The following XPO6 variants were observed in gnomAD, a reference collection of about 807,000 sequenced individuals.
XPO6 encodes exportin 6.
XPO6 carries 3 observed loss-of-function variants against 130.0 expected under a neutral mutation model. The observed-to-expected ratio is 0.02, with a 90% CI of 0.01 to 0.06. XPO6 has a LOEUF of 0.06. Among genes scored for constraint, XPO6 ranks in the 10% least tolerant of loss-of-function variants. XPO6 has a pLI of 1.00. For missense variants in XPO6, 970 were observed against 1,393.0 expected, an observed-to-expected ratio of 0.70 and a Z score of 4.83; for synonymous variants, 524 against 548.9, an observed-to-expected ratio of 0.95 and a Z score of 0.63.
chr16:28,154,894 G>A (rs1196139518), intron 7 of XPO6, among the ~76,000 whole-genome samples: 1 of 151,822 alleles, frequency 6.6e-6, no homozygotes, highest in Non-Finnish European at 1.5e-5. Context: ...CTTAACCACA[G>A]ACAGAAAGAA....
At chr16:28,153,252 G>C (rs2043125773) in intron 7 of XPO6, 2 of 989,282 alleles carry the variant, frequency 2.0e-6, no homozygotes, top group South Asian at 9.2e-5. Context: ...ACTCAGGCTT[G>C]CAACTTAATG....
Position 28,106,866 on chromosome 16 carries a change from CT to C in XPO6, c.2498-370del, listed in dbSNP as rs1217404090. Among the ~76,000 whole-genome samples, 2 of 152,212 alleles carry C rather than the reference CT, an allele frequency of 1.3e-5. No individual in the cohort carries two copies. Among genetic ancestry groups the C allele is most frequent in the African/African-American group, 4.8e-5 (2 of 41,450 alleles). On this transcript the variant is annotated intron_variant, in intron 18 of 23. Coordinates refer to ENST00000304658, the MANE Select transcript of XPO6 (RefSeq NM_015171.4). The surrounding 1 kb of genome is among the most constrained non-coding windows in gnomAD (Gnocchi z 4.2). ...ACCTGAGTGCTTAAGCCATTTCCCC[CT>C]ATGACTAATAATCCCTGCAGCTGGG...
chr16:28,211,422 T>C lies in XPO6; in HGVS notation c.-54A>G. 1 of 1,310,588 alleles carries C rather than the reference T, an allele frequency of 7.6e-7. No homozygotes were observed. The highest frequency in any genetic ancestry group is 1.5e-5 in the African/African-American group (1 of 66,394). The allele number at this position is 1,310,588 out of a possible 1,614,324, so 81.2% of individuals were successfully genotyped here. Reference sequence around the variant, plus strand: ...AGCTGGTTCTTGGGCTTCGGACACGTCCCGCTCGCACAGTTCAGGTCATGG... The same window carrying C: ...AGCTGGTTCTTGGGCTTCGGACACGCCCCGCTCGCACAGTTCAGGTCATGG... On this transcript the variant is annotated 5_prime_UTR_variant, in exon 1 of 24. Coordinates refer to ENST00000304658, the MANE Select transcript of XPO6 (RefSeq NM_015171.4).
intron 7 of XPO6, chr16:28,154,179 T>A (rs1331972470): frequency 2.0e-6 from 2 of 983,232 alleles, no homozygotes; most frequent in Non-Finnish European, 2.4e-6. Flanking sequence ...CGCATGATAG[T>A]TTTACATGGA....
chr16:28,142,173 T>A (rs911817212), intron 9 of XPO6, among the ~76,000 whole-genome samples: 1 of 152,242 alleles, frequency 6.6e-6, no homozygotes, highest in African/African-American at 2.4e-5. Context: ...GCAAGATTAG[T>A]TGCTTCTGAA....
intron 1 of XPO6, among the ~76,000 whole-genome samples, chr16:28,211,008 G>A (rs751412511): frequency 7.9e-5 from 12 of 152,202 alleles, no homozygotes; most frequent in Non-Finnish European, 1.5e-4. Flanking sequence ...CCGAACAGAG[G>A]GCTGGTGTGA....
At chr16:28,107,756 G>A (rs1243544420) in intron 17 of XPO6, 79 bp from the exon 18 acceptor site, 1 of 1,528,240 alleles carries the variant, frequency 6.5e-7, no homozygotes, top group Non-Finnish European at 9.0e-7. Flanking sequence ...GGAGAGGGAG[G>A]AAACTTGCAA....
chr16:28,149,057 A>AT lies in XPO6; in HGVS notation c.1225-2855dup, dbSNP rs1421933874. Among the ~76,000 whole-genome samples the AT allele has an allele frequency of 2.5e-3, 345 of 135,580 alleles. 1 individual carries two copies. Among genetic ancestry groups the AT allele is most frequent in the Middle Eastern group, 7.1e-3 (2 of 282 alleles). 88.9% of individuals were successfully genotyped at this position (135,580 alleles called of 152,430 possible). ...AACTCTGTCTCCAAAAAAAAAGAAA[A>AT]TAAAAAAAAAAAAAAACAAAAGGAA... On this transcript the variant is annotated intron_variant, in intron 8 of 23. Coordinates refer to ENST00000304658, the MANE Select transcript of XPO6 (RefSeq NM_015171.4).
chr16:28,176,514 T>C (rs148657934), intron 3 of XPO6, among the ~76,000 whole-genome samples: 8,205 of 152,060 alleles, frequency 0.054, 570 homozygotes, highest in East Asian at 0.17. Flanking sequence ...TTTTTTTTTT[T>C]TGAGACGGAG....
intron 1 of XPO6, among the ~76,000 whole-genome samples, chr16:28,196,497 C>T (rs1244018252): frequency 3.3e-5 from 5 of 152,144 alleles, no homozygotes; most frequent in Non-Finnish European, 5.9e-5. Flanking sequence ...GTGATTCTTA[C>T]ACAACATGGT....
chr16:28,104,414 T>G, intron 21 of XPO6, 132 bp downstream of exon 21: 1 of 1,170,932 alleles, frequency 8.5e-7, no homozygotes, highest in Non-Finnish European at 1.2e-6. Flanking sequence ...CTCCAAGAAA[T>G]TAATTAACTT....
intron 13 of XPO6, among the ~76,000 whole-genome samples, chr16:28,123,572 A>C: frequency 6.6e-6 from 1 of 152,308 alleles, no homozygotes; most frequent in East Asian, 1.9e-4. Context: ...ACAAACTTGT[A>C]TTTGTATTTC....
At chr16:28,123,859 C>A (rs1034261995) in intron 13 of XPO6, among the ~76,000 whole-genome samples, 1 of 152,164 alleles carries the variant, frequency 6.6e-6, no homozygotes, top group Non-Finnish European at 1.5e-5. Flanking sequence ...GCTAATCATA[C>A]TGGCTATTAA....
chr16:28,160,454 A>G (rs1056316800), intron 6 of XPO6, among the ~76,000 whole-genome samples: 3 of 142,408 alleles, frequency 2.1e-5, no homozygotes, highest in African/African-American at 8.1e-5. Flanking sequence ...CAGTGAGCCA[A>G]GATCATGCCA....
At position 28,101,816 on chromosome 16, in the gene XPO6, G is replaced by C. The variant is rs1399115197; in HGVS notation, c.3045+31C>G. The C allele has an allele frequency of 6.2e-7, 1 of 1,607,720 alleles. No individual in the cohort carries two copies. The highest frequency in any genetic ancestry group is 2.2e-5 in the East Asian group (1 of 44,848). ...GACACAGGCCACAATGCCCCTGATG[G>C]AAGAATATTTCCAAGAGCTGGGGCA... On this transcript the variant is annotated intron_variant, in intron 22 of 23. Coordinates refer to ENST00000304658, the MANE Select transcript of XPO6 (RefSeq NM_015171.4). This position sits in a 1 kb window ranked among gnomAD's most constrained non-coding sequence, Gnocchi z 5.4.
At chr16:28,113,555 T>C (rs1357863912) in intron 15 of XPO6, among the ~76,000 whole-genome samples, 2 of 152,156 alleles carry the variant, frequency 1.3e-5, no homozygotes, top group African/African-American at 2.4e-5. Context: ...GAGAAAAACG[T>C]GTTACAGATG....
At chr16:28,188,129 T>C (rs57698050) in intron 1 of XPO6, among the ~76,000 whole-genome samples, 6,492 of 152,264 alleles carry the variant, frequency 0.043, 476 homozygotes, top group African/African-American at 0.15. Context: ...TAAATAAAGA[T>C]GGGGTCTTGC....
Position 28,169,860 on chromosome 16 carries a change from G to A in XPO6, c.455C>T (p.Thr152Ile). Residue 152 changes from threonine to isoleucine, a missense_variant, in exon 5 of 24, where the codon ACA (threonine) becomes ATA (isoleucine). Physicochemically the swap from Thr to Ile is moderately conservative, Grantham distance 89. This residue lies in a region of XPO6 where 936 missense variants were observed against 1,306.8 expected (regional missense o/e 0.72). Coordinates refer to ENST00000304658, the MANE Select transcript of XPO6 (RefSeq NM_015171.4). ...TTPLGLIMLK[T>I]TSEELACPRE... ...GGGACAAGCCAGCTCTTCTGAAGTT[G>A]TCTTCAACATGATCAGCCCAAGGGG... is the stretch of plus-strand genomic sequence containing the variant. The A allele has an allele frequency of 1.2e-6, 2 of 1,614,172 alleles. No homozygotes were observed. The highest frequency in any genetic ancestry group is 1.7e-6 in the Non-Finnish European group (2 of 1,180,020).
intron 1 of XPO6, among the ~76,000 whole-genome samples, chr16:28,191,513 G>A (rs934564366): frequency 6.6e-6 from 1 of 152,174 alleles, no homozygotes; most frequent in East Asian, 1.9e-4. Context: ...GCTAAAACAC[G>A]ATCACAGAAT....
Sources: allele counts gnomAD v4.1 joint callset (sites outside exome capture counted in the v4.1 genomes callset), GRCh38; gene constraint gnomAD v4.1.1; regional missense constraint gnomAD v4.1.1; non-coding constraint Gnocchi (gnomAD v3.1); transcripts MANE v1.5; gene names NCBI Gene and HGNC (gene_info 2026-07-23, HGNC 2026-07-21).